Variants in NRL observed in about 807,000 individuals in gnomAD.
The protein encoded by NRL is neural retina-specific leucine zipper protein.
Under a neutral mutation model 12.5 loss-of-function variants are expected in NRL, and 16 were observed. That is an observed-to-expected ratio of 1.28 (90% CI 0.87 to 1.95). The LOEUF is 1.95. Among genes scored for constraint, NRL ranks in the 30% most tolerant of loss-of-function variants. The pLI is 0.00. For synonymous variants in NRL, 142 were observed against 150.9 expected (o/e 0.94, Z 0.43); for missense variants, 314 against 325.8 (o/e 0.96, Z 0.28).
chr14:24,082,896 C>T (rs760388289), intron 1 of NRL, 21 bp from the exon 2 acceptor site: 1 of 1,576,646 alleles, frequency 6.3e-7, no homozygotes, highest in Non-Finnish European at 8.6e-7. Flanking sequence ...GAGGAGAGGT[C>T]TGGAGCACAT....
At chr14:24,098,756 C>A in intron 1 of NRL, 1 of 1,256,834 alleles carries the variant, frequency 8.0e-7, no homozygotes, top group Non-Finnish European at 1.1e-6. Flanking sequence ...TACCTCTCCA[C>A]AGACCCTAAG....
chr14:24,081,785 G>A lies in NRL; in HGVS notation c.382-217C>T. ...CAGCTGACCGTTGCTCCAGTCAGGC[G>A]GGCGCCCCACGGTGCAGGGCCGGCC... On this transcript the variant is annotated intron_variant, in intron 2 of 2. Coordinates refer to ENST00000561028, the MANE Select transcript of NRL (RefSeq NM_001354768.3). The surrounding 1 kb of genome is among the most constrained non-coding windows in gnomAD (Gnocchi z 4.4). The A allele has an allele frequency of 6.6e-7, 1 of 1,516,084 alleles. No individual in the cohort carries two copies. The highest frequency in any genetic ancestry group is 8.8e-7 in the Non-Finnish European group (1 of 1,136,676). The allele number at this position is 1,516,084 out of a possible 1,614,324, so 93.9% of individuals were successfully genotyped here.
At chr14:24,095,662 G>A (rs1241503345) in intron 1 of NRL, among the ~76,000 whole-genome samples, 1 of 152,188 alleles carries the variant, frequency 6.6e-6, no homozygotes, top group Non-Finnish European at 1.5e-5. Context: ...GTTTCTGATG[G>A]GCGAGGCCTT....
chr14:24,095,259 G>A (rs1481635157), intron 1 of NRL: 5 of 455,286 alleles, frequency 1.1e-5, no homozygotes, highest in Non-Finnish European at 1.8e-5. Flanking sequence ...AAGAGGGTGT[G>A]GGGGCTTCAC....
At chr14:24,104,013 A>G (rs1371090004) in intron 1 of NRL, 5 of 1,378,624 alleles carry the variant, frequency 3.6e-6, no homozygotes, top group Non-Finnish European at 5.1e-6. Flanking sequence ...ATCTGGGAAT[A>G]GGGAAGGCAC....
chr14:24,103,359 T>C, intron 1 of NRL: 2 of 1,143,972 alleles, frequency 1.7e-6, no homozygotes, highest in East Asian at 2.5e-5. Flanking sequence ...GAGTCTGATA[T>C]GGCCCCACCT....
intron 1 of NRL, among the ~76,000 whole-genome samples, chr14:24,113,733 G>A (rs534242750): frequency 1.3e-5 from 2 of 152,380 alleles, no homozygotes; most frequent in East Asian, 3.9e-4. Context: ...CGGATCTAGA[G>A]ACTAGGAGAC....
At position 24,114,919 on chromosome 14, in the gene NRL, T is replaced by C; in HGVS notation, c.-225A>G. On this transcript the variant is annotated 5_prime_UTR_variant, in exon 1 of 3. Coordinates refer to ENST00000561028, the MANE Select transcript of NRL (RefSeq NM_001354768.3). ...CCGCTGCGGGTCCTGCGACCGCTCC[T>C]GGCTGGTGGGTGGTCTCGCGTGGGG... 1 of 986,018 alleles carries C rather than the reference T, an allele frequency of 1.0e-6. No individual in the cohort carries two copies. Among genetic ancestry groups the C allele is most frequent in the Non-Finnish European group, 1.2e-6 (1 of 830,000 alleles). 61.1% of individuals were successfully genotyped at this position (986,018 alleles called of 1,614,324 possible).
intron 1 of NRL, chr14:24,100,234 G>GT: frequency 6.2e-7 from 1 of 1,613,612 alleles, no homozygotes; most frequent in South Asian, 1.1e-5. Context: ...TGGGGAAGGT[G>GT]TGGCACAGCC....
chr14:24,096,060 C>A (rs2036862637), intron 1 of NRL, among the ~76,000 whole-genome samples: 1 of 152,016 alleles, frequency 6.6e-6, no homozygotes, highest in Non-Finnish European at 1.5e-5. Context: ...AGTCTTACAG[C>A]ATACACACCA....
intron 2 of NRL, chr14:24,082,099 A>T: frequency 4.9e-6 from 6 of 1,225,496 alleles, no homozygotes; most frequent in Non-Finnish European, 6.2e-6. Flanking sequence ...GAAAAGGCCA[A>T]TCTAAACCAG....
intron 1 of NRL, among the ~76,000 whole-genome samples, chr14:24,105,603 C>T (rs1331432599): frequency 6.6e-6 from 1 of 152,224 alleles, no homozygotes; most frequent in East Asian, 1.9e-4. Flanking sequence ...GTATAGACAT[C>T]TACAACTGCA....
intron 1 of NRL, among the ~76,000 whole-genome samples, chr14:24,105,596 T>C (rs1200555759): frequency 6.6e-6 from 1 of 152,236 alleles, no homozygotes; most frequent in Non-Finnish European, 1.5e-5. Flanking sequence ...CATAGTAGTA[T>C]AGACATCTAC....
intron 1 of NRL, among the ~76,000 whole-genome samples, chr14:24,095,630 C>T (rs553669813): frequency 2.0e-5 from 3 of 151,886 alleles, no homozygotes; most frequent in South Asian, 4.2e-4. Flanking sequence ...CACGGGGTCA[C>T]GTGGTCCTGG....
chr14:24,094,006 T>A lies in NRL; in HGVS notation c.-27-11131A>T, dbSNP rs1436519817. The stretch of plus-strand genomic sequence containing the variant: ...CGTTCCTAGCTTGTTTGCCACCTAG[T>A]GTCTCTCCCGGGAGCAAGAGTCCTC... On this transcript the variant is annotated intron_variant, in intron 1 of 2. Coordinates refer to ENST00000561028, the MANE Select transcript of NRL (RefSeq NM_001354768.3). The surrounding 1 kb of genome is among the most constrained non-coding windows in gnomAD (Gnocchi z 4.1). 4 of 514,866 alleles carry A rather than the reference T, an allele frequency of 7.8e-6. No homozygotes were observed. The highest frequency in any genetic ancestry group is 2.7e-4 in the Middle Eastern group (1 of 3,684). 31.9% of individuals were successfully genotyped at this position (514,866 alleles called of 1,614,324 possible).
At chr14:24,089,271 A>C (rs2036552393) in intron 1 of NRL, among the ~76,000 whole-genome samples, 1 of 150,846 alleles carries the variant, frequency 6.6e-6, no homozygotes, top group Non-Finnish European at 1.5e-5. Flanking sequence ...TTTTTGAGAC[A>C]GGGTCTCGCT....
intron 1 of NRL, among the ~76,000 whole-genome samples, chr14:24,108,824 T>TA (rs2037377335): frequency 6.6e-6 from 1 of 152,168 alleles, no homozygotes; most frequent in South Asian, 2.1e-4. Context: ...GAGAATACTA[T>TA]AAGGCAATGT....
chr14:24,111,477 G>A (rs536859063), intron 1 of NRL, among the ~76,000 whole-genome samples: 19 of 152,038 alleles, frequency 1.2e-4, no homozygotes, highest in South Asian at 2.1e-4. Flanking sequence ...GGGTTCAAGC[G>A]ATTCTCTTGC....
chr14:24,097,049 T>G lies in NRL; in HGVS notation c.-27-14174A>C, dbSNP rs542010714. 4 of 1,613,208 alleles carry G rather than the reference T, an allele frequency of 2.5e-6. No homozygotes were observed. The African/African-American group carries it at 4.0e-5, about 16-fold the overall frequency. ...GTGCCAACCAGAGGGCATCCACATC[T>G]GTGATGGAACTGAGGCTGAGAATAC... On this transcript the variant is annotated intron_variant, in intron 1 of 2. Coordinates refer to ENST00000561028, the MANE Select transcript of NRL (RefSeq NM_001354768.3).
Sources: allele counts gnomAD v4.1 joint callset (sites outside exome capture counted in the v4.1 genomes callset), GRCh38; gene constraint gnomAD v4.1.1; non-coding constraint Gnocchi (gnomAD v3.1); transcripts MANE v1.5; gene names NCBI Gene and HGNC (gene_info 2026-07-23, HGNC 2026-07-21).